Variants in TMTC2 observed in about 807,000 individuals in gnomAD.
The protein encoded by TMTC2 is transmembrane O-mannosyltransferase targeting cadherins 2.
TMTC2 carries 43 observed loss-of-function variants against 82.4 expected under a neutral mutation model. That is an observed-to-expected ratio of 0.52 (90% CI 0.41 to 0.67). The LOEUF is 0.67. TMTC2 is among the 30% of genes least tolerant of loss of function. TMTC2 has a pLI of 0.00. For missense variants in TMTC2, 919 were observed against 1,012.4 expected (o/e 0.91, Z 1.25); for synonymous variants, 408 against 381.9 (o/e 1.07, Z -0.80).
intron 1 of TMTC2, among the ~76,000 whole-genome samples, chr12:82,795,320 A>AG (rs1214123618): frequency 6.6e-6 from 1 of 151,732 alleles, no homozygotes; most frequent in African/African-American, 2.4e-5. Context: ...TCAAAAAAAA[A>AG]AAAAAAAAAG....
intron 1 of TMTC2, among the ~76,000 whole-genome samples, chr12:82,695,565 C>T (rs1365137870): frequency 1.3e-5 from 2 of 152,080 alleles, no homozygotes; most frequent in African/African-American, 4.8e-5. Context: ...CAATTTGTTC[C>T]ACAATGAAAG....
intron 1 of TMTC2, among the ~76,000 whole-genome samples, chr12:82,719,085 ATTTT>A (rs71068944): frequency 4.1e-4 from 17 of 41,410 alleles, no homozygotes; most frequent in African/African-American, 1.6e-3. Context: ...ATATATATAT[ATTTT>A]TTTTTTTTTT....
At chr12:83,123,539 T>G (rs1037465642) in intron 11 of TMTC2, among the ~76,000 whole-genome samples, 2 of 152,240 alleles carry the variant, frequency 1.3e-5, no homozygotes, top group African/African-American at 4.8e-5. Context: ...GGTTTTGTTT[T>G]ATGATAGCCT....
At chr12:83,095,602 ACT>A (rs1884004737) in intron 11 of TMTC2, among the ~76,000 whole-genome samples, 1 of 152,012 alleles carries the variant, frequency 6.6e-6, no homozygotes, top group African/African-American at 2.4e-5. Context: ...ACGGGGAAAG[ACT>A]CTCAAGGAGC....
intron 7 of TMTC2, among the ~76,000 whole-genome samples, chr12:82,968,447 G>A (rs762324989): frequency 1.4e-4 from 21 of 152,214 alleles, no homozygotes; most frequent in Non-Finnish European, 1.0e-4. Context: ...AGATGTTTTT[G>A]TGTCAAAATA....
chr12:83,099,474 C>T (rs183180090), intron 11 of TMTC2, among the ~76,000 whole-genome samples: 5 of 152,064 alleles, frequency 3.3e-5, no homozygotes, highest in Admixed American at 6.6e-5. Context: ...TTGAATCTTC[C>T]GTGCTATTAT....
chr12:82,959,364 A>C (rs781549773), intron 4 of TMTC2, among the ~76,000 whole-genome samples: 1 of 152,180 alleles, frequency 6.6e-6, no homozygotes, highest in Non-Finnish European at 1.5e-5. Flanking sequence ...CTGAATAGCC[A>C]AAGTAATTCT....
chr12:83,000,972 A>T (rs775573100), intron 8 of TMTC2, among the ~76,000 whole-genome samples: 1 of 152,102 alleles, frequency 6.6e-6, no homozygotes, highest in Non-Finnish European at 1.5e-5. Flanking sequence ...CATTTTAGTC[A>T]TGGCTGGAGG....
At chr12:83,068,555 C>T (rs1882999415) in intron 11 of TMTC2, among the ~76,000 whole-genome samples, 1 of 152,086 alleles carries the variant, frequency 6.6e-6, no homozygotes, top group Non-Finnish European at 1.5e-5. Context: ...ATACTACATA[C>T]CATATGTCTC....
At chr12:82,742,665 G>A (rs1028205881) in intron 1 of TMTC2, among the ~76,000 whole-genome samples, 6 of 151,940 alleles carry the variant, frequency 3.9e-5, no homozygotes, top group South Asian at 2.1e-4. Flanking sequence ...GATTATAGGC[G>A]CCTGCCATCA....
intron 4 of TMTC2, among the ~76,000 whole-genome samples, chr12:82,949,094 CA>C (rs1565823713): frequency 1.3e-5 from 2 of 152,126 alleles, no homozygotes; most frequent in Admixed American, 6.5e-5. Context: ...TTTTACTGAG[CA>C]AGAAAGGTTT....
chr12:82,751,338 G>A (rs7298230), intron 1 of TMTC2, among the ~76,000 whole-genome samples: 136,002 of 150,654 alleles, frequency 0.9, 63,153 homozygotes, highest in East Asian at 1. Flanking sequence ...ATTGAACAAT[G>A]AGAAGACATG....
At chr12:83,118,903 A>G (rs931210928) in intron 11 of TMTC2, among the ~76,000 whole-genome samples, 1 of 152,096 alleles carries the variant, frequency 6.6e-6, no homozygotes, top group Non-Finnish European at 1.5e-5. Flanking sequence ...TCTTTCCAGG[A>G]ATTTATCCAT....
chr12:83,111,960 T>G (rs1884613963), intron 11 of TMTC2, among the ~76,000 whole-genome samples: 1 of 149,572 alleles, frequency 6.7e-6, no homozygotes, highest in Non-Finnish European at 1.5e-5. Flanking sequence ...AAAAAAAACA[T>G]CCAGGTATGG....
chr12:82,965,839 T>C (rs751257499), intron 6 of TMTC2, 95 bp downstream of exon 6: 38 of 1,326,962 alleles, frequency 2.9e-5, no homozygotes, highest in Non-Finnish European at 3.5e-5. Flanking sequence ...CCTATGTCCT[T>C]TGAACAACTA....
At chr12:82,825,630 CATAATGTAAAATAAA>C (rs1474220097) in intron 1 of TMTC2, among the ~76,000 whole-genome samples, 1 of 152,018 alleles carries the variant, frequency 6.6e-6, no homozygotes, top group African/African-American at 2.4e-5. Context: ...AACACCCTAT[CATAATGTAAAATAAA>C]AAATCTCTCC....
rs1592578750 is a variant in TMTC2 at position 82,857,136 on chromosome 12, T to C, written c.210T>C (p.Thr70=). The change falls in exon 2 of 12, where the codon ACT becomes ACC. Residue 70 remains threonine, a synonymous_variant. Transcript: ENST00000321196. ...GSHKSYRPLC[T]LSFRLNHAIG... is the part of the protein sequence containing the mutation. ...ACAAGTCCTACCGGCCACTCTGCAC[T>C]CTTTCTTTTCGCCTGAACCATGCCA... The C allele has an allele frequency of 6.2e-7, 1 of 1,614,210 alleles. No individual in the cohort carries two copies.
chr12:82,893,369 C>CAAAAAAAAAAAAAAA (rs71443447), intron 2 of TMTC2, among the ~76,000 whole-genome samples: 1 of 122,646 alleles, frequency 8.2e-6, no homozygotes, highest in Non-Finnish European at 1.8e-5. Flanking sequence ...GACTCTATCT[C>CAAAAAAAAAAAAAAA]AAAAAAAAAA....
At chr12:83,063,494 A>T (rs1475643707) in intron 11 of TMTC2, among the ~76,000 whole-genome samples, 1 of 151,876 alleles carries the variant, frequency 6.6e-6, no homozygotes, top group Admixed American at 6.6e-5. Context: ...TGTGCTAAGC[A>T]CTGTGCTAAG....
Sources: gnomAD v4.1 joint callset for allele counts (sites outside exome capture counted in the v4.1 genomes callset) on GRCh38, gnomAD v4.1.1 for gene constraint, MANE v1.5 for transcripts, NCBI Gene and HGNC (gene_info 2026-07-23, HGNC 2026-07-21) for gene names.